SIRPB1: variants seen among roughly 807,000 people sequenced by gnomAD.
SIRPB1 encodes the protein signal regulatory protein beta 1.
Under a neutral mutation model 34.1 loss-of-function variants are expected in SIRPB1, and 28 were observed. The observed-to-expected ratio is 0.82, with a 90% CI of 0.61 to 1.12. The LOEUF is 1.12. Ranked by LOEUF, SIRPB1 falls within the 50% of genes most tolerant of loss-of-function variation. The pLI is 0.00. For missense variants in SIRPB1, 499 were observed against 507.0 expected (o/e 0.98, Z 0.15); for synonymous variants, 211 against 203.8 (o/e 1.04, Z -0.30).
In SIRPB1 at chr20:1,619,905, A is replaced by G; in HGVS notation, c.40T>C (p.Phe14Leu). 1 of 1,613,914 alleles carries G rather than the reference A, an allele frequency of 6.2e-7. No homozygotes were observed. Among genetic ancestry groups the G allele is most frequent in the South Asian group, 1.1e-5 (1 of 91,076 alleles). Residue 14 changes from phenylalanine (F) to leucine (L), a missense_variant, in exon 1 of 6, where the codon TTC becomes CTC. Transcript: ENST00000381605. ...CCCAGCAGTAGCGTCATCAGCAGGA[A>G]AGGACTAGGAAGGTGGGGCCAGGAG... The part of the protein sequence containing the change: ...PASWPHLPSP[F>L]LLMTLLLGRL...
intron 2 of SIRPB1, chr20:1,578,067 A>C (rs2091342625): frequency 8.2e-6 from 4 of 488,308 alleles, no homozygotes; most frequent in Non-Finnish European, 1.5e-5. Context: ...GTGGAACCAA[A>C]GGGCTGGGTC....
At chr20:1,571,654 C>G (rs968639695) in intron 3 of SIRPB1, 66 bp downstream of exon 3, 1 of 1,609,958 alleles carries the variant, frequency 6.2e-7, no homozygotes, top group African/African-American at 1.3e-5. Flanking sequence ...AGCTCTGGAG[C>G]CTGGGGAGAG....
rs201917746 is a variant in SIRPB1, at chr20:1,610,964, C to T, written c.76+8905G>A. Among the ~76,000 whole-genome samples the T allele has an allele frequency of 2.8e-5, 2 of 72,370 alleles. 1 individual carries two copies. The highest frequency in any genetic ancestry group is 5.2e-5 in the Non-Finnish European group (2 of 38,524). The allele number at this position is 72,370 out of a possible 152,430, so 47.5% of individuals were successfully genotyped here. The stretch of plus-strand genomic sequence containing the variant: ...ACAGTGGGGTCTCAGTGAGTGCCTG[C>T]TGCATAAAGAAGAGACTTGGCCACC... On this transcript the variant is annotated intron_variant, in intron 1 of 5. Transcript: ENST00000381605.
chr20:1,579,053 G>A (rs184337933), intron 1 of SIRPB1, among the ~76,000 whole-genome samples: 11 of 148,076 alleles, frequency 7.4e-5, no homozygotes, highest in African/African-American at 2.4e-4. Flanking sequence ...CCAGGCTCAA[G>A]AGATCCTTTC....
At chr20:1,618,088 T>C (rs543682505) in intron 1 of SIRPB1, among the ~76,000 whole-genome samples, 54 of 152,302 alleles carry the variant, frequency 3.5e-4, no homozygotes, top group African/African-American at 1.2e-3. Flanking sequence ...AGTATATAAG[T>C]TTGTTTTGTG....
rs1259786077 is a variant in SIRPB1, at chr20:1,563,243, C to T, written c.*2257G>A. On this transcript the variant is annotated 3_prime_UTR_variant, in exon 6 of 6. Transcript: ENST00000381605. ...GCATGGTGGCTCATGCCTGTAATCCCAGCACTTTGGGAGGCCAAGACAGGT... is the reference window on the plus strand; with the variant it reads ...GCATGGTGGCTCATGCCTGTAATCCTAGCACTTTGGGAGGCCAAGACAGGT... 6.6e-6 allele frequency among the ~76,000 whole-genome samples: 1 copy of T among 152,148 alleles called. No individual in the cohort carries two copies. The highest frequency in any genetic ancestry group is 1.5e-5 in the Non-Finnish European group (1 of 68,020).
At chr20:1,616,659 A>G (rs952331340) in intron 1 of SIRPB1, among the ~76,000 whole-genome samples, 1 of 152,240 alleles carries the variant, frequency 6.6e-6, no homozygotes, top group Admixed American at 6.5e-5. Flanking sequence ...TTCAGATATG[A>G]GTCCCAAAGC....
At chr20:1,617,619 A>G (rs916035483) in intron 1 of SIRPB1, among the ~76,000 whole-genome samples, 9 of 152,188 alleles carry the variant, frequency 5.9e-5, no homozygotes, top group African/African-American at 2.2e-4. Flanking sequence ...CTATTGTACA[A>G]TATGGGGTCT....
Position 1,576,320 on chromosome 20 carries a change from A to G in SIRPB1, c.433+2018T>C, listed in dbSNP as rs1156543035. Among the ~76,000 whole-genome samples, 3 of 148,076 alleles carry G rather than the reference A, an allele frequency of 2.0e-5. 1 individual carries two copies. The highest frequency in any genetic ancestry group is 2.0e-4 in the Admixed American group (3 of 14,986). On this transcript the variant is annotated intron_variant, in intron 2 of 5. Coordinates refer to ENST00000381605, the MANE Select transcript of SIRPB1 (RefSeq NM_006065.5). ...GAGCAATGTACATTTTCATGTACAT[A>G]CATGTACATGAAAGCATCATGTTTT...
intron 2 of SIRPB1, among the ~76,000 whole-genome samples, chr20:1,574,550 T>C (rs1461590654): frequency 7.7e-6 from 1 of 129,722 alleles, no homozygotes. Flanking sequence ...TTTTTGATAG[T>C]TTTCCCAATG....
At chr20:1,602,779 G>C (rs144329733) in intron 1 of SIRPB1, among the ~76,000 whole-genome samples, 883 of 48,952 alleles carry the variant, frequency 0.018, 388 homozygotes, top group South Asian at 0.037. Flanking sequence ...ATACATCTCT[G>C]ATTATAGGGG....
rs369780504 is a variant in SIRPB1, at chr20:1,571,964, G to T, written c.507C>A (p.Cys169Ter). The change falls in exon 3 of 6, where the codon TGC becomes TGA. Residue 169 changes from cysteine to a stop codon, truncating the protein, a stop_gained. Transcript: ENST00000381605. LOFTEE classifies it high-confidence loss of function. Reference sequence around the variant, plus strand: ...CTCTGGGAGAGAAGCCATGGGACTCGCAGGTGAAGCTCACTGTGTGCTCAG... The same window carrying T: ...CTCTGGGAGAGAAGCCATGGGACTCTCAGGTGAAGCTCACTGTGTGCTCAG... ...ATPEHTVSFTCESHGFSPRDI... is the reference protein window; with the variant it reads ...ATPEHTVSFT 5.0e-6 allele frequency: 8 copies of T among 1,614,106 alleles called. No homozygotes were observed. The highest frequency in any genetic ancestry group is 5.9e-6 in the Non-Finnish European group (7 of 1,180,024).
Position 1,587,139 on chromosome 20 carries a change from C to T in SIRPB1, c.77-8445G>A, listed in dbSNP as rs1275770642. Among the ~76,000 whole-genome samples, 35 of 48,812 alleles carry T rather than the reference C, an allele frequency of 7.2e-4. 17 individuals carry two copies. The highest frequency in any genetic ancestry group is 1.6e-4 in the Non-Finnish European group (4 of 25,370). The allele number at this position is 48,812 out of a possible 152,430, so 32.0% of individuals were successfully genotyped here. A position where few individuals can be genotyped will look rare whatever the true frequency, so the allele number is the denominator to read the frequency against. Reference sequence around the variant, plus strand: ...GAGGTAGGGAACGATAGACAAGTTCCTCTCTCAGCCTGCCTCCCCATTTGC... The same window carrying T: ...GAGGTAGGGAACGATAGACAAGTTCTTCTCTCAGCCTGCCTCCCCATTTGC... On this transcript the variant is annotated intron_variant, in intron 1 of 5. Transcript: ENST00000381605.
At position 1,563,318 on chromosome 20, in the gene SIRPB1, A is replaced by T. The variant is rs2122146930; in HGVS notation, c.*2182T>A. Among the ~76,000 whole-genome samples the T allele has an allele frequency of 6.6e-6, 1 of 151,868 alleles. No individual in the cohort carries two copies. The highest frequency in any genetic ancestry group is 1.9e-4 in the East Asian group (1 of 5,166). ...AGACTAGTCTGATCAACATGGAGAA[A>T]CCCCATCTCTACTAAAAATACAAAA... On this transcript the variant is annotated 3_prime_UTR_variant, in exon 6 of 6. Coordinates refer to ENST00000381605, the MANE Select transcript of SIRPB1 (RefSeq NM_006065.5).
rs1448796008 is a variant in SIRPB1, at chr20:1,579,479, GCCTCTGTGGATCAATTTCT to G, written c.77-804_77-786del. ...GTGGGCTGTGCATTTAACTGCAAGA[GCCTCTGTGGATCAATTTCT>G]CCCTTCCGGAGACCACGAGGCTCTG... On this transcript the variant is annotated intron_variant, in intron 1 of 5. Coordinates refer to ENST00000381605, the MANE Select transcript of SIRPB1 (RefSeq NM_006065.5). Among the ~76,000 whole-genome samples, 3 of 148,436 alleles carry G rather than the reference GCCTCTGTGGATCAATTTCT, an allele frequency of 2.0e-5. 1 individual carries two copies. Among genetic ancestry groups the G allele is most frequent in the African/African-American group, 7.3e-5 (3 of 40,882 alleles).
At chr20:1,576,908 T>C (rs1269974346) in intron 2 of SIRPB1, among the ~76,000 whole-genome samples, 1 of 148,590 alleles carries the variant, frequency 6.7e-6, no homozygotes, top group African/African-American at 2.4e-5. Context: ...GGGTGACACA[T>C]GTACAAGGTC....
Position 1,578,156 on chromosome 20 carries a change from G to A in SIRPB1, c.433+182C>T, listed in dbSNP as rs2091344211. ...CATCATTTACAAGCCGTGGAGCCTC[G>A]AGCGACTGCCATGACATCTCCAAGC... On this transcript the variant is annotated intron_variant, in intron 2 of 5. Coordinates refer to ENST00000381605, the MANE Select transcript of SIRPB1 (RefSeq NM_006065.5). 12 of 675,564 alleles carry A rather than the reference G, an allele frequency of 1.8e-5. 4 individuals are homozygous for A. Among genetic ancestry groups the A allele is most frequent in the Middle Eastern group, 6.1e-4 (2 of 3,264 alleles). The allele number at this position is 675,564 out of a possible 1,614,324, so 41.8% of individuals were successfully genotyped here. A position where few individuals can be genotyped will look rare whatever the true frequency, so the allele number is the denominator to read the frequency against.
chr20:1,614,841 C>T (rs1568709370), intron 1 of SIRPB1, among the ~76,000 whole-genome samples: 3 of 152,106 alleles, frequency 2.0e-5, no homozygotes, highest in Admixed American at 2.0e-4. Context: ...CTCTGATTGG[C>T]TCCACAATTT....
chr20:1,570,608 C>T, intron 4 of SIRPB1, 197 bp downstream of exon 4: 4 of 536,134 alleles, frequency 7.5e-6, no homozygotes. Context: ...GTAGATGGGG[C>T]TTAAGGGTGT....
Sources: gnomAD v4.1 joint callset for allele counts (sites outside exome capture counted in the v4.1 genomes callset) on GRCh38, gnomAD v4.1.1 for gene constraint, MANE v1.5 for transcripts, NCBI Gene and HGNC (gene_info 2026-07-23, HGNC 2026-07-21) for gene names.